PTPRD: variants seen among roughly 807,000 people sequenced by gnomAD.
PTPRD encodes protein tyrosine phosphatase receptor type D, also known as receptor-type tyrosine-protein phosphatase delta.
PTPRD carries 34 observed loss-of-function variants against 214.5 expected under a neutral mutation model. The ratio of observed to expected loss-of-function variants is 0.16; its 90% CI spans 0.12 to 0.21. The LOEUF is 0.21. PTPRD is among the 10% of genes least tolerant of loss of function. PTPRD has a pLI of 1.00. For missense variants in PTPRD, 2,545 were observed against 2,398.7 expected, an observed-to-expected ratio of 1.06 and a Z score of -1.27; for synonymous variants, 1,128 against 845.7, an observed-to-expected ratio of 1.33 and a Z score of -5.79.
chr9:10,391,054 G>A (rs2098052170), intron 2 of PTPRD, among the ~76,000 whole-genome samples: 1 of 151,796 alleles, frequency 6.6e-6, no homozygotes, highest in Admixed American at 6.6e-5. Context: ...CTAAGAGGCT[G>A]TTAGAAAGAA....
In PTPRD at chr9:8,347,619, T is replaced by G. The variant is rs1431394750; in HGVS notation, c.4662-5641A>C. ...CTGAATTGTGTTTTTCTTCTCAAAA[T>G]TCATATGTTGAAACGCTAACCCCCA... On this transcript the variant is annotated intron_variant, in intron 39 of 45. Coordinates refer to ENST00000381196, the MANE Select transcript of PTPRD (RefSeq NM_002839.4). Among the ~76,000 whole-genome samples the G allele has an allele frequency of 2.0e-5, 3 of 152,218 alleles. No homozygotes were observed. The East Asian group carries it at 5.8e-4, about 29-fold the overall frequency.
rs1334290420 is a variant in PTPRD at position 8,964,190 on chromosome 9, G to GTTTTTTTTTTTTTTTTTTTTTTT, written c.-104+54506_-104+54507insAAAAAAAAAAAAAAAAAAAAAAA. Among the ~76,000 whole-genome samples the GTTTTTTTTTTTTTTTTTTTTTTT allele has an allele frequency of 4.3e-4, 23 of 52,946 alleles. 4 individuals are homozygous for GTTTTTTTTTTTTTTTTTTTTTTT. The highest frequency in any genetic ancestry group is 1.0e-3 in the East Asian group (1 of 966). 34.7% of individuals were successfully genotyped at this position (52,946 alleles called of 152,430 possible). On this transcript the variant is annotated intron_variant, in intron 11 of 45. Transcript: ENST00000381196. ...CTGTGAATCTATCTAGTTCAGGGCTGTGTTTTTTTTTTTTTTTTTTTTTTT... is the reference window on the plus strand; with the variant it reads ...CTGTGAATCTATCTAGTTCAGGGCTGTTTTTTTTTTTTTTTTTTTTTTTTGTTTTTTTTTTTTTTTTTTTTTTT...
chr9:9,758,414 G>C (rs117459957), intron 6 of PTPRD, among the ~76,000 whole-genome samples: 1 of 152,076 alleles, frequency 6.6e-6, no homozygotes, highest in East Asian at 1.9e-4. Context: ...GTAGGGATGG[G>C]TAGGAGAAGG....
chr9:10,530,913 A>G (rs958205096), intron 2 of PTPRD, among the ~76,000 whole-genome samples: 3 of 152,274 alleles, frequency 2.0e-5, no homozygotes, highest in Admixed American at 2.0e-4. Flanking sequence ...CCATAGTTAT[A>G]ATTAATCGAT....
intron 3 of PTPRD, among the ~76,000 whole-genome samples, chr9:10,304,348 G>T (rs565071723): frequency 6.6e-6 from 1 of 152,066 alleles, no homozygotes; most frequent in Non-Finnish European, 1.5e-5. Flanking sequence ...TTTGAAAACC[G>T]GCACAAGACA....
At chr9:10,163,132 TTC>T (rs1169212547) in intron 3 of PTPRD, among the ~76,000 whole-genome samples, 2 of 148,224 alleles carry the variant, frequency 1.3e-5, no homozygotes, top group African/African-American at 2.6e-5. Context: ...ATAACCCTTA[TTC>T]TACTGAGTGT....
intron 11 of PTPRD, among the ~76,000 whole-genome samples, chr9:8,757,504 A>T (rs1051127090): frequency 6.6e-6 from 1 of 151,962 alleles, no homozygotes; most frequent in Non-Finnish European, 1.5e-5. Flanking sequence ...AGTAAAGCCA[A>T]TTTGTGGGAG....
chr9:10,448,183 A>G (rs947619954), intron 2 of PTPRD, among the ~76,000 whole-genome samples: 1 of 152,028 alleles, frequency 6.6e-6, no homozygotes. Context: ...TACCATAACT[A>G]AATAGGGTGG....
At chr9:10,263,032 GC>G (rs1233559222) in intron 3 of PTPRD, among the ~76,000 whole-genome samples, 1 of 152,078 alleles carries the variant, frequency 6.6e-6, no homozygotes, top group Non-Finnish European at 1.5e-5. Flanking sequence ...ATGATCTCTT[GC>G]CTGCCACCAT....
At chr9:9,266,503 A>T (rs1282324084) in intron 9 of PTPRD, among the ~76,000 whole-genome samples, 1 of 151,410 alleles carries the variant, frequency 6.6e-6, no homozygotes, top group Admixed American at 6.6e-5. Context: ...ATTAGGTCAC[A>T]AAATAACTCT....
At chr9:10,172,121 T>A (rs969421032) in intron 3 of PTPRD, among the ~76,000 whole-genome samples, 1 of 152,036 alleles carries the variant, frequency 6.6e-6, no homozygotes, top group Non-Finnish European at 1.5e-5. Context: ...TCTTAAGGAG[T>A]CAAAATCTAA....
chr9:9,224,134 T>G (rs78640479), intron 9 of PTPRD, among the ~76,000 whole-genome samples: 4,005 of 151,988 alleles, frequency 0.026, 155 homozygotes, highest in African/African-American at 0.078. Context: ...TTCTTACAAA[T>G]GAGGAAGTTG....
At position 8,524,910 on chromosome 9, in the gene PTPRD, T is replaced by C; in HGVS notation, c.679+15A>G. On this transcript the variant is annotated intron_variant, in intron 18 of 45. Coordinates refer to ENST00000381196, the MANE Select transcript of PTPRD (RefSeq NM_002839.4). ...CCTGAATGAAGAAGCGATGCCAGGGTTATGTCATTCCTACCTCTGACATAT... is the reference window on the plus strand; with the variant it reads ...CCTGAATGAAGAAGCGATGCCAGGGCTATGTCATTCCTACCTCTGACATAT... 6.2e-7 allele frequency: 1 copy of C among 1,604,524 alleles called. No individual in the cohort carries two copies. Among genetic ancestry groups the C allele is most frequent in the African/African-American group, 1.3e-5 (1 of 74,792 alleles).
chr9:9,046,758 T>C (rs1430733744), intron 10 of PTPRD, among the ~76,000 whole-genome samples: 1 of 152,178 alleles, frequency 6.6e-6, no homozygotes, highest in African/African-American at 2.4e-5. Flanking sequence ...ACATAAAGCA[T>C]GAGCGTTGAT....
chr9:9,856,490 G>C (rs936712295), intron 5 of PTPRD, among the ~76,000 whole-genome samples: 4 of 152,084 alleles, frequency 2.6e-5, no homozygotes, highest in Admixed American at 2.6e-4. Context: ...ATGAAGCAAA[G>C]TAATGGAATC....
chr9:10,419,040 C>G (rs1030460657), intron 2 of PTPRD, among the ~76,000 whole-genome samples: 2 of 151,882 alleles, frequency 1.3e-5, no homozygotes, highest in African/African-American at 4.8e-5. Context: ...AAGGACAGCA[C>G]TAAGCCTGGC....
At chr9:10,116,226 C>T (rs982965634) in intron 3 of PTPRD, among the ~76,000 whole-genome samples, 4 of 152,048 alleles carry the variant, frequency 2.6e-5, no homozygotes, top group Admixed American at 2.6e-4. Flanking sequence ...TTATTTCTAA[C>T]TGGTAAATGT....
chr9:8,710,272 T>A (rs899171160), intron 12 of PTPRD, among the ~76,000 whole-genome samples: 3 of 152,130 alleles, frequency 2.0e-5, no homozygotes, highest in Admixed American at 6.5e-5. Context: ...GTCAAGTACA[T>A]TCAGCTCATG....
chr9:9,527,745 G>C (rs759068617), intron 8 of PTPRD, among the ~76,000 whole-genome samples: 15 of 151,906 alleles, frequency 9.9e-5, no homozygotes, highest in Non-Finnish European at 1.9e-4. Flanking sequence ...AATTACTATA[G>C]TTACAGAAGT....
Sources: allele counts gnomAD v4.1 joint callset (sites outside exome capture counted in the v4.1 genomes callset), GRCh38; gene constraint gnomAD v4.1.1; transcripts MANE v1.5; gene names NCBI Gene and HGNC (gene_info 2026-07-23, HGNC 2026-07-21).